METTL24: variants seen among roughly 807,000 people sequenced by gnomAD.
METTL24 encodes the protein probable methyltransferase-like protein 24.
Under a neutral mutation model 32.7 loss-of-function variants are expected in METTL24, and 29 were observed. The ratio of observed to expected loss-of-function variants is 0.89; its 90% CI spans 0.66 to 1.21. The LOEUF (loss-of-function observed/expected upper bound fraction) is 1.21. METTL24 is among the 50% of genes most tolerant of loss of function. METTL24 has a pLI of 0.00. For missense variants in METTL24, 439 were observed against 468.1 expected, an observed-to-expected ratio of 0.94 and a Z score of 0.57; for synonymous variants, 163 against 179.5, an observed-to-expected ratio of 0.91 and a Z score of 0.73.
rs115212333 is a variant in METTL24 at position 110,295,238 on chromosome 6, G to A, written c.786+3684C>T. Among the ~76,000 whole-genome samples the A allele has an allele frequency of 1.9e-3, 289 of 152,002 alleles. 3 individuals are homozygous for A. Among genetic ancestry groups the A allele is most frequent in the African/African-American group, 6.7e-3 (278 of 41,456 alleles). ...AATTTTTTAAATCTTTTGTAGAGAT[G>A]GGATGTGCTATGTTGCCCCAGCTGT... is the stretch of plus-strand genomic sequence containing the variant. On this transcript the variant is annotated intron_variant, in intron 4 of 4. Coordinates refer to ENST00000338882, the MANE Select transcript of METTL24 (RefSeq NM_001123364.3).
intron 2 of METTL24, among the ~76,000 whole-genome samples, chr6:110,319,257 T>A (rs1490229958): frequency 1.4e-5 from 2 of 139,284 alleles, no homozygotes; most frequent in Non-Finnish European, 3.0e-5. Flanking sequence ...ATTGTTTTTA[T>A]CCCTGTGTGT....
intron 4 of METTL24, among the ~76,000 whole-genome samples, chr6:110,291,967 C>T (rs1771329222): frequency 6.6e-6 from 1 of 152,186 alleles, no homozygotes; most frequent in Admixed American, 6.6e-5. Context: ...TAACTTTGTT[C>T]TTTGTTTTCA....
rs548253441 is a variant in METTL24 at position 110,336,304 on chromosome 6, G to T, written c.319-13432C>A. On this transcript the variant is annotated intron_variant, in intron 1 of 4. Transcript: ENST00000338882. ...CTCTCATCCCTACCAACCCACACTG[G>T]CCATGTAGCATAGCAAGAAATAAAA... Among the ~76,000 whole-genome samples the T allele has an allele frequency of 5.9e-5, 9 of 152,276 alleles. No homozygotes were observed. The East Asian group carries it at 1.7e-3, about 29-fold the overall frequency.
intron 1 of METTL24, among the ~76,000 whole-genome samples, chr6:110,345,843 C>G (rs913002804): frequency 2.6e-5 from 4 of 152,118 alleles, no homozygotes; most frequent in South Asian, 4.1e-4. Context: ...AGGCTTAGTA[C>G]CTGGTTGTCA....
chr6:110,282,773 C>T (rs1771160767), intron 4 of METTL24, among the ~76,000 whole-genome samples: 1 of 152,148 alleles, frequency 6.6e-6, no homozygotes, highest in African/African-American at 2.4e-5. Flanking sequence ...ATAATAACAC[C>T]ACAGCAAACC....
chr6:110,302,426 C>CACACACATATGTGTATATATACACAT (rs1771532101), intron 3 of METTL24, among the ~76,000 whole-genome samples: 1 of 139,424 alleles, frequency 7.2e-6, no homozygotes, highest in East Asian at 2.1e-4. Flanking sequence ...TACACATATA[C>CACACACATATGTGTATATATACACAT]ACACACATAT....
Position 110,336,300 on chromosome 6 carries a change from A to G in METTL24, c.319-13428T>C, listed in dbSNP as rs2114766808. Among the ~76,000 whole-genome samples, 3 of 152,346 alleles carry G rather than the reference A, an allele frequency of 2.0e-5. 1 individual carries two copies. In the Middle Eastern group the frequency reaches 0.01, roughly 518 times the overall value. ...TTGCCTCTCATCCCTACCAACCCAC[A>G]CTGGCCATGTAGCATAGCAAGAAAT... On this transcript the variant is annotated intron_variant, in intron 1 of 4. Transcript: ENST00000338882.
In METTL24 at chr6:110,251,121, G is replaced by A. The variant is rs537432276; in HGVS notation, c.787-4861C>T. Among the ~76,000 whole-genome samples, 17 of 152,314 alleles carry A rather than the reference G, an allele frequency of 1.1e-4. 1 individual carries two copies. The South Asian group carries it at 1.7e-3, about 15-fold the overall frequency. The stretch of plus-strand genomic sequence containing the variant: ...GTCAAGCAAATTGCAAGTCTAGCGC[G>A]CATTCAAGGGGAGGTGAAATAGACT... On this transcript the variant is annotated intron_variant, in intron 4 of 4. Transcript: ENST00000338882.
rs34442447 is a variant in METTL24 at position 110,244,970 on chromosome 6, T to TTATCTATC, written c.*968_*975dup. ...AAACATGCCAGTAGGAAAATCTATC[T>TTATCTATC]TATCTATCTATCTATCTATCTATCT... On this transcript the variant is annotated 3_prime_UTR_variant, in exon 5 of 5. Coordinates refer to ENST00000338882, the MANE Select transcript of METTL24 (RefSeq NM_001123364.3). Among the ~76,000 whole-genome samples, 16,456 of 150,016 alleles carry TTATCTATC rather than the reference T, an allele frequency of 0.11. 1,010 individuals are homozygous for TTATCTATC. Among genetic ancestry groups the TTATCTATC allele is most frequent in the Middle Eastern group, 0.16 (47 of 292 alleles).
chr6:110,354,053 A>G (rs1285108657), intron 1 of METTL24, among the ~76,000 whole-genome samples: 1 of 152,216 alleles, frequency 6.6e-6, no homozygotes, highest in Non-Finnish European at 1.5e-5. Context: ...AAGAGTCCCG[A>G]CAGAATGCTT....
At chr6:110,324,887 G>A (rs1771991247) in intron 1 of METTL24, among the ~76,000 whole-genome samples, 1 of 152,172 alleles carries the variant, frequency 6.6e-6, no homozygotes, top group African/African-American at 2.4e-5. Flanking sequence ...TAAAACCCAG[G>A]CTCTCCCAAG....
In METTL24 at chr6:110,322,401, T is replaced by C. The variant is rs374767553; in HGVS notation, c.417+373A>G. 5.9e-5 allele frequency among the ~76,000 whole-genome samples: 9 copies of C among 152,314 alleles called. No individual in the cohort carries two copies. In the East Asian group the frequency reaches 1.5e-3, roughly 26 times the overall value. ...AAGGCAAGTTCCTCCAAATACAAAATGGTGCTTGAACCTCTAGATGATGGT... is the reference window on the plus strand; with the variant it reads ...AAGGCAAGTTCCTCCAAATACAAAACGGTGCTTGAACCTCTAGATGATGGT... On this transcript the variant is annotated intron_variant, in intron 2 of 4. Coordinates refer to ENST00000338882, the MANE Select transcript of METTL24 (RefSeq NM_001123364.3).
intron 1 of METTL24, chr6:110,332,658 A>G (rs565680397): frequency 1.1e-5 from 2 of 179,264 alleles, no homozygotes; most frequent in African/African-American, 4.8e-5. Flanking sequence ...CTGTAATCCT[A>G]GAGTTTTGGG....
chr6:110,316,893 A>G (rs186885676), intron 2 of METTL24, among the ~76,000 whole-genome samples: 232 of 152,308 alleles, frequency 1.5e-3, no homozygotes, highest in East Asian at 7.1e-3. Flanking sequence ...CCCTGTCTCA[A>G]AAAAATAAAA....
At chr6:110,315,636 G>C (rs1476766933) in intron 2 of METTL24, among the ~76,000 whole-genome samples, 155 bp from the exon 3 acceptor site, 1 of 152,206 alleles carries the variant, frequency 6.6e-6, no homozygotes, top group African/African-American at 2.4e-5. Context: ...CCACAAGACT[G>C]CTATAAAGTG....
intron 1 of METTL24, among the ~76,000 whole-genome samples, chr6:110,346,907 G>T (rs6924534): frequency 0.039 from 5,927 of 152,066 alleles, 391 homozygotes; most frequent in African/African-American, 0.14. Flanking sequence ...ATTAATCATC[G>T]TTATATGTAA....
At chr6:110,304,549 C>A (rs909105724) in intron 3 of METTL24, among the ~76,000 whole-genome samples, 4 of 152,014 alleles carry the variant, frequency 2.6e-5, no homozygotes, top group Non-Finnish European at 5.9e-5. Context: ...CTGAATCAAT[C>A]AAGTGGAAGA....
Position 110,282,385 on chromosome 6 carries a change from G to A in METTL24, c.786+16537C>T, listed in dbSNP as rs148486038. 8.7e-4 allele frequency among the ~76,000 whole-genome samples: 132 copies of A among 152,148 alleles called. 1 individual carries two copies. The highest frequency in any genetic ancestry group is 3.1e-3 in the African/African-American group (129 of 41,524). ...CAACCCAATAACTACTTAATAAATA[G>A]TGCCCATGTGGGGAGTAACTGGCCA... On this transcript the variant is annotated intron_variant, in intron 4 of 4. Coordinates refer to ENST00000338882, the MANE Select transcript of METTL24 (RefSeq NM_001123364.3).
At chr6:110,300,425 T>TTC in intron 3 of METTL24, among the ~76,000 whole-genome samples, 1 of 149,904 alleles carries the variant, frequency 6.7e-6, no homozygotes, top group East Asian at 1.9e-4. Context: ...AGACATGCTT[T>TTC]TTTTTTTTTT....
Sources: allele counts gnomAD v4.1 joint callset (sites outside exome capture counted in the v4.1 genomes callset), GRCh38; gene constraint gnomAD v4.1.1; transcripts MANE v1.5; gene names NCBI Gene and HGNC (gene_info 2026-07-23, HGNC 2026-07-21).